RYR2: variants seen among roughly 807,000 people sequenced by gnomAD.
RYR2 encodes cardiac muscle ryanodine receptor-calcium release channel.
Under a neutral mutation model 601.1 loss-of-function variants are expected in RYR2, and 227 were observed. The observed-to-expected ratio is 0.38, with a 90% CI of 0.34 to 0.42. The LOEUF is 0.42. Among genes scored for constraint, RYR2 ranks in the 10% least tolerant of loss-of-function variants. The pLI is 1.00. For missense variants in RYR2, 4,646 were observed against 6,156.5 expected (o/e 0.75, Z 8.21); for synonymous variants, 2,223 against 2,175.1 (o/e 1.02, Z -0.61).
At chr1:237,615,411 C>T (rs1210602054) in intron 37 of RYR2, among the ~76,000 whole-genome samples, 1 of 152,012 alleles carries the variant, frequency 6.6e-6, no homozygotes, top group Admixed American at 6.6e-5. Context: ...ATGCTGGTGT[C>T]AAACTCCTGG....
chr1:237,812,636 G>T (rs1320504075), intron 100 of RYR2, among the ~76,000 whole-genome samples: 1 of 152,160 alleles, frequency 6.6e-6, no homozygotes, highest in Non-Finnish European at 1.5e-5. Context: ...TACGGACATA[G>T]ATCAAGTGCC....
intron 67 of RYR2, 126 bp downstream of exon 67, chr1:237,705,469 T>A: frequency 1.3e-6 from 1 of 781,104 alleles, no homozygotes; most frequent in Non-Finnish European, 2.0e-6. Flanking sequence ...TGTTCTTAAA[T>A]GTTATTGTTT....
intron 3 of RYR2, chr1:237,352,845 T>C (rs1398431545): frequency 3.9e-6 from 2 of 514,746 alleles, no homozygotes; most frequent in Non-Finnish European, 7.8e-6. Context: ...TTTTAATAAA[T>C]GGTCATTTGG....
At chr1:237,457,833 C>G (rs1194007003) in intron 16 of RYR2, among the ~76,000 whole-genome samples, 1 of 152,168 alleles carries the variant, frequency 6.6e-6, no homozygotes, top group Non-Finnish European at 1.5e-5. Flanking sequence ...ACCCTCGCCT[C>G]CAAAATCTCA....
Position 237,073,865 on chromosome 1 carries a change from TTA to T in RYR2, c.48+31297_48+31298del, listed in dbSNP as rs1491143085. Among the ~76,000 whole-genome samples, 6 of 88,020 alleles carry T rather than the reference TTA, an allele frequency of 6.8e-5. No individual in the cohort carries two copies. In the East Asian group the frequency reaches 1.7e-3, roughly 25 times the overall value. The allele number at this position is 88,020 out of a possible 152,430, so 57.7% of individuals were successfully genotyped here. ...CAGCCTGGGCGACAGAGACTCCATC[TTA>T]AAAAAAAAAAAAAAAAAGCTTCAGT... On this transcript the variant is annotated intron_variant, in intron 1 of 104. Coordinates refer to ENST00000366574, the MANE Select transcript of RYR2 (RefSeq NM_001035.3).
intron 29 of RYR2, among the ~76,000 whole-genome samples, chr1:237,580,155 CTT>C (rs58145628): frequency 8.6e-5 from 10 of 116,588 alleles, no homozygotes; most frequent in Admixed American, 1.9e-4. Flanking sequence ...CACAACAATT[CTT>C]TTTTTTTTTT....
intron 24 of RYR2, 136 bp from the exon 25 acceptor site, chr1:237,530,291 A>G: frequency 1.7e-6 from 1 of 588,150 alleles, no homozygotes; most frequent in Non-Finnish European, 3.0e-6. Flanking sequence ...AGCCTGGGCG[A>G]CAGAGCGAGA....
intron 27 of RYR2, among the ~76,000 whole-genome samples, chr1:237,551,530 C>CAAAAA (rs34940458): frequency 5.5e-5 from 5 of 90,422 alleles, no homozygotes; most frequent in Non-Finnish European, 8.1e-5. Context: ...GACTCCGTCT[C>CAAAAA]AAAAAAAAAA....
chr1:237,577,219 A>T (rs1397681636), intron 29 of RYR2, among the ~76,000 whole-genome samples: 1 of 152,180 alleles, frequency 6.6e-6, no homozygotes, highest in African/African-American at 2.4e-5. Context: ...CACAGGATGG[A>T]TGAATTAACT....
chr1:237,127,867 G>T (rs559830238), intron 1 of RYR2, among the ~76,000 whole-genome samples: 2 of 151,672 alleles, frequency 1.3e-5, no homozygotes, highest in African/African-American at 2.4e-5. Context: ...TAGGTGGGAT[G>T]GCGGCCGGGC....
chr1:237,184,497 CA>C (rs1163341756), intron 1 of RYR2, among the ~76,000 whole-genome samples: 4 of 152,196 alleles, frequency 2.6e-5, no homozygotes, highest in Non-Finnish European at 4.4e-5. Flanking sequence ...GTGTATTTTT[CA>C]GAGACTTACG....
intron 1 of RYR2, among the ~76,000 whole-genome samples, chr1:237,171,472 T>C (rs1314080315): frequency 6.6e-6 from 1 of 152,140 alleles, no homozygotes; most frequent in Non-Finnish European, 1.5e-5. Context: ...CCAATATGAA[T>C]AACGGAATCA....
At chr1:237,805,974 C>T (rs189915186) in intron 98 of RYR2, among the ~76,000 whole-genome samples, 163 bp from the exon 99 acceptor site, 47 of 152,310 alleles carry the variant, frequency 3.1e-4, no homozygotes, top group African/African-American at 1.1e-3. Flanking sequence ...AGTGTCCTCT[C>T]TCCTACTTTT....
rs1291873158 is a variant in RYR2 at position 237,550,547 on chromosome 1, G to A, written c.3070G>A (p.Val1024Ile). The change falls in exon 27 of 105, where the codon GTA (valine) becomes ATA (isoleucine). Residue 1024 changes from valine (V) to isoleucine (I), a missense_variant. Around this residue, in one of 17 missense-constraint regions of RYR2, gnomAD observed 1,807 missense variants for 2,088.1 expected, o/e 0.87. Coordinates refer to ENST00000366574, the MANE Select transcript of RYR2 (RefSeq NM_001035.3). ...QGWTYGIQQD[V>I]KNRRNPRLVP... ...TGCACCCTGTGTTTTCCTGCAGGACGTAAAGAACAGAAGAAATCCTCGCCT... is the reference window on the plus strand; with the variant it reads ...TGCACCCTGTGTTTTCCTGCAGGACATAAAGAACAGAAGAAATCCTCGCCT... 7.5e-6 allele frequency: 12 copies of A among 1,608,788 alleles called. No individual in the cohort carries two copies. Among genetic ancestry groups the A allele is most frequent in the East Asian group, 6.7e-5 (3 of 44,746 alleles).
chr1:237,492,824 AAAGGAAGGAAGGAAGGAAGGAAGGAAGG>A lies in RYR2; in HGVS notation c.1828-110_1828-83del, dbSNP rs748804324. The A allele has an allele frequency of 3.6e-5, 28 of 775,558 alleles. No individual in the cohort carries two copies. In the Admixed American group the frequency reaches 7.6e-4, roughly 21 times the overall value. The allele number at this position is 775,558 out of a possible 1,614,324, so 48.0% of individuals were successfully genotyped here. On this transcript the variant is annotated intron_variant, in intron 18 of 104. Coordinates refer to ENST00000366574, the MANE Select transcript of RYR2 (RefSeq NM_001035.3). ...GGGTGACAGAGTGAGATGCTGTCTG[AAAGGAAGGAAGGAAGGAAGGAAGGAAGG>A]AAGGAAGGAAGGAAGGAAGAAGGGA...
chr1:237,138,545 G>A (rs551773548), intron 1 of RYR2, among the ~76,000 whole-genome samples: 175 of 152,072 alleles, frequency 1.2e-3, no homozygotes, highest in Middle Eastern at 6.8e-3. Context: ...TATTAGATTG[G>A]TGGTTTCATA....
At chr1:237,310,083 G>A (rs77514612) in intron 2 of RYR2, among the ~76,000 whole-genome samples, 1 of 152,310 alleles carries the variant, frequency 6.6e-6, no homozygotes, top group South Asian at 2.1e-4. Context: ...AGGCTGAAAC[G>A]CTCCTAAAGC....
chr1:237,238,856 G>C (rs1169422131), intron 1 of RYR2, among the ~76,000 whole-genome samples: 1 of 149,342 alleles, frequency 6.7e-6, no homozygotes, highest in Non-Finnish European at 1.5e-5. Flanking sequence ...TTTGTAAGTA[G>C]ATCATTTGTG....
chr1:237,694,090 C>T (rs1210083224), intron 63 of RYR2, among the ~76,000 whole-genome samples: 9 of 151,628 alleles, frequency 5.9e-5, no homozygotes, highest in African/African-American at 1.7e-4. Context: ...GTCAGGGGAT[C>T]GAGACCATCC....
Sources: gnomAD v4.1 joint callset for allele counts (sites outside exome capture counted in the v4.1 genomes callset) on GRCh38, gnomAD v4.1.1 for gene constraint, gnomAD v4.1.1 regional missense constraint, MANE v1.5 for transcripts, NCBI Gene and HGNC (gene_info 2026-07-23, HGNC 2026-07-21) for gene names.